The following GRIK2 variants were observed in gnomAD, a reference collection of about 807,000 sequenced individuals.
GRIK2 encodes glutamate receptor ionotropic, kainate 2.
GRIK2 carries 32 observed loss-of-function variants against 100.3 expected under a neutral mutation model. The ratio of observed to expected loss-of-function variants is 0.32; its 90% CI spans 0.24 to 0.43. The LOEUF (loss-of-function observed/expected upper bound fraction) is 0.43. Ranked by LOEUF, GRIK2 falls within the 20% of genes least tolerant of loss-of-function variation. The pLI is 1.00. For missense variants in GRIK2, 843 were observed against 1,114.9 expected, an observed-to-expected ratio of 0.76 and a Z score of 3.47; for synonymous variants, 417 against 389.4, an observed-to-expected ratio of 1.07 and a Z score of -0.83.
intron 12 of GRIK2, among the ~76,000 whole-genome samples, chr6:101,908,456 C>T (rs1436822556): frequency 1.3e-5 from 2 of 151,074 alleles, no homozygotes; most frequent in Non-Finnish European, 3.0e-5. Context: ...TTGTTGTAGT[C>T]AATTTACCTA....
At chr6:101,900,147 A>G (rs1035150725) in intron 12 of GRIK2, among the ~76,000 whole-genome samples, 1 of 152,156 alleles carries the variant, frequency 6.6e-6, no homozygotes, top group Non-Finnish European at 1.5e-5. Context: ...AATGTTTTAA[A>G]TCATCCACCT....
chr6:101,621,298 C>G (rs1780148755), intron 2 of GRIK2, among the ~76,000 whole-genome samples: 1 of 151,840 alleles, frequency 6.6e-6, no homozygotes, highest in African/African-American at 2.4e-5. Context: ...ACAAAAAATA[C>G]AAAAATTAGC....
At chr6:101,784,459 G>A (rs1779300504) in intron 7 of GRIK2, among the ~76,000 whole-genome samples, 1 of 152,232 alleles carries the variant, frequency 6.6e-6, no homozygotes, top group Non-Finnish European at 1.5e-5. Flanking sequence ...GGATTTTTAG[G>A]TTAATGCTGG....
intron 7 of GRIK2, among the ~76,000 whole-genome samples, chr6:101,709,520 G>A (rs1263520000): frequency 6.6e-6 from 1 of 151,694 alleles, no homozygotes; most frequent in Non-Finnish European, 1.5e-5. Flanking sequence ...TAGATAAAAG[G>A]CAGAGAAGTT....
At chr6:102,030,370 A>C (rs931043273) in intron 14 of GRIK2, among the ~76,000 whole-genome samples, 3 of 151,172 alleles carry the variant, frequency 2.0e-5, no homozygotes, top group Non-Finnish European at 3.0e-5. Context: ...TCTATCTGCT[A>C]TTCTGGATCT....
chr6:101,417,950 G>A (rs1270623293), intron 2 of GRIK2, among the ~76,000 whole-genome samples: 1 of 152,204 alleles, frequency 6.6e-6, no homozygotes, highest in East Asian at 1.9e-4. Context: ...TCTGGGTGTG[G>A]AAGAACTGTT....
intron 2 of GRIK2, among the ~76,000 whole-genome samples, chr6:101,520,700 C>G (rs1464041843): frequency 2.0e-5 from 3 of 152,154 alleles, no homozygotes; most frequent in Non-Finnish European, 2.9e-5. Flanking sequence ...AATTTTAAAA[C>G]TACAAACAAA....
At chr6:101,901,081 A>T (rs975204751) in intron 12 of GRIK2, among the ~76,000 whole-genome samples, 6 of 152,090 alleles carry the variant, frequency 3.9e-5, no homozygotes, top group Admixed American at 2.6e-4. Flanking sequence ...CCTGTGATTA[A>T]TTCAAATGTA....
intron 2 of GRIK2, among the ~76,000 whole-genome samples, chr6:101,438,746 A>G (rs1769878581): frequency 6.6e-6 from 1 of 152,188 alleles, no homozygotes; most frequent in Non-Finnish European, 1.5e-5. Context: ...TTCGCATTAA[A>G]TTGATAAGGA....
At chr6:102,007,909 A>T (rs1795325709) in intron 14 of GRIK2, among the ~76,000 whole-genome samples, 1 of 152,034 alleles carries the variant, frequency 6.6e-6, no homozygotes, top group Non-Finnish European at 1.5e-5. Flanking sequence ...TTGAAGTATA[A>T]GTAAGGGAAA....
At chr6:101,651,106 C>T (rs1781771253) in intron 4 of GRIK2, among the ~76,000 whole-genome samples, 1 of 149,102 alleles carries the variant, frequency 6.7e-6, no homozygotes, top group Admixed American at 6.8e-5. Flanking sequence ...GTTTCACTCT[C>T]ATCTTCACTT....
At chr6:101,441,131 A>C (rs1770026734) in intron 2 of GRIK2, among the ~76,000 whole-genome samples, 1 of 152,054 alleles carries the variant, frequency 6.6e-6, no homozygotes. Context: ...GGCGTGAGCC[A>C]CTACACCCAG....
chr6:101,669,125 C>T (rs1045519606), intron 4 of GRIK2, among the ~76,000 whole-genome samples: 1 of 152,006 alleles, frequency 6.6e-6, no homozygotes, highest in African/African-American at 2.4e-5. Flanking sequence ...TTTTGTGGAG[C>T]CCATCTGTGC....
chr6:101,992,739 G>C (rs1007386068), intron 14 of GRIK2, among the ~76,000 whole-genome samples: 2 of 151,434 alleles, frequency 1.3e-5, no homozygotes, highest in Non-Finnish European at 3.0e-5. Flanking sequence ...ACTTGAGTTT[G>C]AACTATCTAA....
intron 2 of GRIK2, among the ~76,000 whole-genome samples, chr6:101,498,857 A>G (rs1431041434): frequency 1.3e-5 from 2 of 152,142 alleles, no homozygotes; most frequent in Non-Finnish European, 2.9e-5. Context: ...TGCTGTGCAG[A>G]AGCTCTTTAG....
chr6:101,873,708 A>T (rs1785594596), intron 11 of GRIK2, among the ~76,000 whole-genome samples: 1 of 152,004 alleles, frequency 6.6e-6, no homozygotes, highest in Non-Finnish European at 1.5e-5. Context: ...TTACAGTCCC[A>T]CCAACAGTGT....
chr6:101,741,217 C>G (rs1283664170), intron 7 of GRIK2, among the ~76,000 whole-genome samples: 1 of 152,054 alleles, frequency 6.6e-6, no homozygotes, highest in African/African-American at 2.4e-5. Context: ...AATAATTCAC[C>G]AAATGATTCT....
At chr6:101,613,715 A>G (rs1337594268) in intron 2 of GRIK2, among the ~76,000 whole-genome samples, 1 of 151,292 alleles carries the variant, frequency 6.6e-6, no homozygotes, top group East Asian at 2.0e-4. Flanking sequence ...TTGCTTGGAT[A>G]CACTTGGAGT....
intron 14 of GRIK2, among the ~76,000 whole-genome samples, chr6:101,949,062 G>C (rs2128478322): frequency 6.6e-6 from 1 of 152,146 alleles, no homozygotes; most frequent in South Asian, 2.1e-4. Flanking sequence ...CACACCCATT[G>C]ATTCATAAAT....
Sources: gnomAD v4.1 joint callset for allele counts (sites outside exome capture counted in the v4.1 genomes callset) on GRCh38, gnomAD v4.1.1 for gene constraint, MANE v1.5 for transcripts, NCBI Gene and HGNC (gene_info 2026-07-23, HGNC 2026-07-21) for gene names.